Variants in ADGRL3 observed in about 807,000 individuals in gnomAD.
ADGRL3 encodes calcium-independent alpha-latrotoxin receptor 3.
ADGRL3 carries 62 observed loss-of-function variants against 153.5 expected under a neutral mutation model. The ratio of observed to expected loss-of-function variants is 0.40; its 90% CI spans 0.33 to 0.50. The LOEUF (loss-of-function observed/expected upper bound fraction) is 0.50, where lower values mean the gene tolerates loss of function less well. ADGRL3 is among the 20% of genes least tolerant of loss of function. ADGRL3 has a pLI of 0.47. For synonymous variants in ADGRL3, 710 were observed against 672.5 expected (o/e 1.06, Z -0.86); for missense variants, 1,641 against 1,859.4 (o/e 0.88, Z 2.16).
At chr4:61,779,524 C>T (rs2097189641) in intron 8 of ADGRL3, among the ~76,000 whole-genome samples, 1 of 149,798 alleles carries the variant, frequency 6.7e-6, no homozygotes, top group South Asian at 2.1e-4. Context: ...ATCCCAGCTA[C>T]TCAGGAGGCT....
chr4:61,927,291 G>T (rs899183663), intron 13 of ADGRL3, among the ~76,000 whole-genome samples: 8 of 151,738 alleles, frequency 5.3e-5, no homozygotes, highest in Non-Finnish European at 1.2e-4. Flanking sequence ...GACAGCATTT[G>T]GTCATTTCAT....
At chr4:61,493,899 C>A (rs1292384936) in intron 2 of ADGRL3, among the ~76,000 whole-genome samples, 1 of 152,172 alleles carries the variant, frequency 6.6e-6, no homozygotes, top group Non-Finnish European at 1.5e-5. Flanking sequence ...ATTCTAGACA[C>A]ATAACATGTC....
At chr4:61,369,554 C>A (rs894654101) in intron 1 of ADGRL3, among the ~76,000 whole-genome samples, 17 of 152,234 alleles carry the variant, frequency 1.1e-4, no homozygotes, top group African/African-American at 3.9e-4. Context: ...GTATATTGAG[C>A]CAGCCTTGCA....
At chr4:61,946,098 C>G (rs1180459639) in intron 15 of ADGRL3, among the ~76,000 whole-genome samples, 4 of 152,236 alleles carry the variant, frequency 2.6e-5, no homozygotes, top group African/African-American at 9.6e-5. Context: ...TTTTCGGTTA[C>G]CTGGGAAAGG....
At chr4:61,745,651 G>T (rs1422308685) in intron 8 of ADGRL3, among the ~76,000 whole-genome samples, 1 of 152,118 alleles carries the variant, frequency 6.6e-6, no homozygotes, top group African/African-American at 2.4e-5. Flanking sequence ...TTACAAACAA[G>T]CAAATGCTGA....
At chr4:61,263,469 A>G (rs2092669913) in intron 1 of ADGRL3, among the ~76,000 whole-genome samples, 1 of 151,596 alleles carries the variant, frequency 6.6e-6, no homozygotes, top group African/African-American at 2.4e-5. Context: ...TGAAAAAAAA[A>G]AAAAGACCCT....
At chr4:61,598,666 G>A (rs1170505426) in intron 5 of ADGRL3, among the ~76,000 whole-genome samples, 2 of 152,232 alleles carry the variant, frequency 1.3e-5, no homozygotes, top group Non-Finnish European at 1.5e-5. Context: ...ACACACATAC[G>A]AGTGAGATCA....
At chr4:62,001,477 G>T (rs1338668678) in intron 21 of ADGRL3, among the ~76,000 whole-genome samples, 1 of 152,032 alleles carries the variant, frequency 6.6e-6, no homozygotes, top group Non-Finnish European at 1.5e-5. Context: ...AACAAGGAAG[G>T]TATCTCCAGA....
chr4:61,996,855 A>G (rs1025278945), intron 20 of ADGRL3, among the ~76,000 whole-genome samples: 1 of 152,172 alleles, frequency 6.6e-6, no homozygotes, highest in African/African-American at 2.4e-5. Context: ...TTAAGCCTGC[A>G]TTCTGGAATC....
intron 8 of ADGRL3, among the ~76,000 whole-genome samples, chr4:61,766,842 G>A (rs1454229888): frequency 6.6e-6 from 1 of 151,910 alleles, no homozygotes; most frequent in Non-Finnish European, 1.5e-5. Context: ...AGAGTATATG[G>A]GTTTGGCACC....
At chr4:61,305,303 C>T (rs373974948) in intron 1 of ADGRL3, among the ~76,000 whole-genome samples, 14 of 152,130 alleles carry the variant, frequency 9.2e-5, no homozygotes, top group Admixed American at 8.5e-4. Context: ...TAGCAACACA[C>T]ATGTATTAAG....
At chr4:61,501,854 G>A (rs1202369184) in intron 3 of ADGRL3, among the ~76,000 whole-genome samples, 2 of 152,090 alleles carry the variant, frequency 1.3e-5, no homozygotes, top group African/African-American at 4.8e-5. Flanking sequence ...TTTTAAATTA[G>A]GAAATGTCCC....
intron 2 of ADGRL3, among the ~76,000 whole-genome samples, chr4:61,400,501 C>A (rs2096917247): frequency 6.6e-6 from 1 of 151,792 alleles, no homozygotes. Context: ...AGAGAACCAT[C>A]ACTATATATT....
chr4:61,242,274 GGT>G (rs989384874), intron 1 of ADGRL3, among the ~76,000 whole-genome samples: 10 of 151,972 alleles, frequency 6.6e-5, no homozygotes, highest in African/African-American at 2.4e-4. Context: ...GTCACACTGT[GGT>G]ACATTCGTTG....
At chr4:61,634,457 C>T (rs780983784) in intron 5 of ADGRL3, among the ~76,000 whole-genome samples, 1 of 152,062 alleles carries the variant, frequency 6.6e-6, no homozygotes, top group South Asian at 2.1e-4. Flanking sequence ...TGTAGTGTTT[C>T]TCTGAAAATT....
intron 25 of ADGRL3, among the ~76,000 whole-genome samples, chr4:62,053,283 T>C (rs1348111252): frequency 1.3e-5 from 2 of 151,528 alleles, no homozygotes; most frequent in Non-Finnish European, 3.0e-5. Flanking sequence ...AGTACTTAAA[T>C]TGTAACAACC....
At chr4:61,955,669 C>T (rs1253434846) in intron 17 of ADGRL3, among the ~76,000 whole-genome samples, 1 of 151,888 alleles carries the variant, frequency 6.6e-6, no homozygotes, top group Non-Finnish European at 1.5e-5. Context: ...GACCTGTCAT[C>T]TAAGTTCCCT....
Position 61,646,164 on chromosome 4 carries a change from G to A in ADGRL3, c.474-30662G>A, listed in dbSNP as rs555099101. ...CTCCTTTAAGCACTTCTCTGTATTG[G>A]TTATTCTAGTTATACATTCTTCTAA... On this transcript the variant is annotated intron_variant, in intron 5 of 26. Transcript: ENST00000683033. Among the ~76,000 whole-genome samples the A allele has an allele frequency of 3.5e-3, 534 of 151,940 alleles. 2 individuals carry two copies. Among genetic ancestry groups the A allele is most frequent in the Non-Finnish European group, 6.3e-3 (430 of 67,946 alleles).
chr4:61,854,275 A>G (rs987648867), intron 9 of ADGRL3, among the ~76,000 whole-genome samples: 1 of 152,192 alleles, frequency 6.6e-6, no homozygotes, highest in Non-Finnish European at 1.5e-5. Context: ...GTTTTCTAGT[A>G]GGATTCTCTA....
Sources: gnomAD v4.1 joint callset for allele counts (sites outside exome capture counted in the v4.1 genomes callset) on GRCh38, gnomAD v4.1.1 for gene constraint, MANE v1.5 for transcripts, NCBI Gene and HGNC (gene_info 2026-07-23, HGNC 2026-07-21) for gene names.